GGT7: variants seen among roughly 807,000 people sequenced by gnomAD.
GGT7 encodes the protein glutathione hydrolase 7.
In GGT7, 30 loss-of-function variants were observed where a neutral mutation model predicts 69.2. That is an observed-to-expected ratio of 0.43 (90% confidence interval 0.32 to 0.59). The LOEUF (loss-of-function observed/expected upper bound fraction) is 0.59, where lower values mean the gene tolerates loss of function less well. GGT7 is among the 20% of genes least tolerant of loss of function. The probability of loss-of-function intolerance (pLI) is 0.05; values close to 1 mark genes in which losing one functional copy is unlikely to be tolerated. For missense variants in GGT7, 733 were observed against 901.1 expected, an observed-to-expected ratio of 0.81 and a Z score of 2.39; for synonymous variants, 388 against 391.8, an observed-to-expected ratio of 0.99 and a Z score of 0.12.
In GGT7 at chr20:34,872,779, G is replaced by A; in HGVS notation, c.37C>T (p.Leu13=). 1 of 1,423,076 alleles carries A rather than the reference G, an allele frequency of 7.0e-7. No individual in the cohort carries two copies. Among genetic ancestry groups the A allele is most frequent in the Non-Finnish European group, 9.2e-7 (1 of 1,082,882 alleles). 88.2% of individuals were successfully genotyped at this position (1,423,076 alleles called of 1,614,324 possible). ...AENEASQESA[L]GAYSPVDYMS... ...TAGTCCACTGGCGAGTAGGCGCCCA[G>A]GGCGCTCTCCTGGCTGGCCTCGTTC... The change falls in exon 1 of 15, where the codon CTG becomes TTG. Residue 13 remains leucine, a synonymous_variant. Coordinates refer to ENST00000336431, the MANE Select transcript of GGT7 (RefSeq NM_178026.3).
intron 13 of GGT7, 191 bp downstream of exon 13, chr20:34,851,040 G>A (rs989409753): frequency 1.4e-6 from 1 of 691,140 alleles, no homozygotes; most frequent in African/African-American, 1.8e-5. Context: ...GGAGCATCAG[G>A]GCTCCATTTT....
chr20:34,859,963 A>T lies in GGT7; in HGVS notation c.817+6T>A, dbSNP rs1284920759. The T allele has an allele frequency of 6.5e-7, 1 of 1,541,092 alleles. No homozygotes were observed. On this transcript the variant is annotated splice_donor_region_variant and intron_variant, in intron 6 of 14. Coordinates refer to ENST00000336431, the MANE Select transcript of GGT7 (RefSeq NM_178026.3). Reference sequence around the variant, plus strand: ...TGTCTCTCCCAAATCCCCAGGCCCCACTGACCTAGATCATGAGTCACGTTG... The same window carrying T: ...TGTCTCTCCCAAATCCCCAGGCCCCTCTGACCTAGATCATGAGTCACGTTG...
In GGT7 at chr20:34,845,501, A is replaced by G; in HGVS notation, c.1826-10T>C. ...TCCTCTGTGAACTCACCTGAAAACC[A>G]TCCCCGACATATACACATTCAGAAT... On this transcript the variant is annotated splice_polypyrimidine_tract_variant and intron_variant, in intron 14 of 14. Transcript: ENST00000336431. The G allele has an allele frequency of 4.3e-6, 7 of 1,612,282 alleles. No individual in the cohort carries two copies. Among genetic ancestry groups the G allele is most frequent in the Non-Finnish European group, 5.9e-6 (7 of 1,178,668 alleles).
rs1489559111 is a variant in GGT7 at position 34,863,454 on chromosome 20, C to T, written c.264G>A (p.Thr88=). 1 of 1,612,404 alleles carries T rather than the reference C, an allele frequency of 6.2e-7. No individual in the cohort carries two copies. Among genetic ancestry groups the T allele is most frequent in the East Asian group, 2.2e-5 (1 of 44,838 alleles). The part of the protein sequence containing the change: ...GSQDGSPLRE[T]RKDPFSAAAA... ...CTGCGGCGGAGAACGGGTCTTTGCG[C>T]GTCTCGCGTAGCGGCGACCCGTCTT... The change falls in exon 2 of 15, where the codon ACG becomes ACA. Residue 88 remains threonine (T), a synonymous_variant. Coordinates refer to ENST00000336431, the MANE Select transcript of GGT7 (RefSeq NM_178026.3). The surrounding 1 kb of genome is among the most constrained non-coding windows in gnomAD (Gnocchi z 4.4).
rs374716641 is a variant in GGT7, at chr20:34,851,057, G to C, written c.1725+174C>G. On this transcript the variant is annotated intron_variant, in intron 13 of 14. Coordinates refer to ENST00000336431, the MANE Select transcript of GGT7 (RefSeq NM_178026.3). ...AGCATCAGGGCTCCATTTTCACTAAGAAACTCAGCGCAGCCCATGTCCACA... is the reference window on the plus strand; with the variant it reads ...AGCATCAGGGCTCCATTTTCACTAACAAACTCAGCGCAGCCCATGTCCACA... 8.0e-6 allele frequency: 6 copies of C among 746,722 alleles called. No individual in the cohort carries two copies. In the African/African-American group the frequency reaches 8.7e-5, roughly 11 times the overall value. The allele number at this position is 746,722 out of a possible 1,614,324, so 46.3% of individuals were successfully genotyped here. A position where few individuals can be genotyped will look rare whatever the true frequency, so the allele number is the denominator to read the frequency against.
intron 1 of GGT7, among the ~76,000 whole-genome samples, chr20:34,870,317 A>G (rs2079758637): frequency 6.6e-6 from 1 of 152,252 alleles, no homozygotes; most frequent in South Asian, 2.1e-4. Context: ...CAGAGCCTGT[A>G]TTGAACTTCC....
Position 34,856,883 on chromosome 20 carries a change from G to A in GGT7, c.1025C>T (p.Ala342Val). The A allele has an allele frequency of 6.2e-7, 1 of 1,605,202 alleles. No individual in the cohort carries two copies. Among genetic ancestry groups the A allele is most frequent in the African/African-American group, 1.3e-5 (1 of 74,832 alleles). The change falls in exon 8 of 15, where the codon GCA (alanine) becomes GTA (valine). Residue 342 changes from alanine to valine, a missense_variant. Physicochemically the swap from Ala to Val is moderately conservative, Grantham distance 64. Coordinates refer to ENST00000336431, the MANE Select transcript of GGT7 (RefSeq NM_178026.3). The stretch of plus-strand genomic sequence containing the variant: ...GTCCTCTTCGGTTATGACACCCCCT[G>A]CGTGCTGAGCCTGGAGGGAAGAGAA... ...TLEMVAEAQH[A>V]GGVITEEDFS... is the part of the protein sequence containing the mutation.
intron 14 of GGT7, among the ~76,000 whole-genome samples, chr20:34,846,802 C>A (rs1436684452): frequency 2.0e-5 from 3 of 151,806 alleles, no homozygotes; most frequent in African/African-American, 7.3e-5. Flanking sequence ...TAAATTCCTC[C>A]CCTCATTTCC....
rs375986939 is a variant in GGT7, at chr20:34,872,820, G to A, written c.-5C>T. 9.0e-6 allele frequency: 12 copies of A among 1,339,792 alleles called. No individual in the cohort carries two copies. The highest frequency in any genetic ancestry group is 3.1e-5 in the African/African-American group (2 of 65,094). 83.0% of individuals were successfully genotyped at this position (1,339,792 alleles called of 1,614,324 possible). ...GGCCTCGTTCTCCGCCGCCATCCTC[G>A]CCCGCGCCCCCCAGCAGCGCAGCGC... On this transcript the variant is annotated 5_prime_UTR_variant, in exon 1 of 15. Coordinates refer to ENST00000336431, the MANE Select transcript of GGT7 (RefSeq NM_178026.3).
At chr20:34,856,684 G>T in intron 8 of GGT7, 122 bp downstream of exon 8, 1 of 672,620 alleles carries the variant, frequency 1.5e-6, no homozygotes, top group Non-Finnish European at 2.7e-6. Context: ...GACTGCCCAG[G>T]TAGCTCACTG....
At position 34,854,492 on chromosome 20, in the gene GGT7, C is replaced by T. The variant is rs139159188; in HGVS notation, c.1319+39G>A. On this transcript the variant is annotated intron_variant, in intron 10 of 14. Coordinates refer to ENST00000336431, the MANE Select transcript of GGT7 (RefSeq NM_178026.3). ...CTCCTGACCCTTTCCCCACACCCAC[C>T]GCTGCCTCTGTAGCCCCCAGGTCCT... 913 of 1,263,218 alleles carry T rather than the reference C, an allele frequency of 7.2e-4. 7 individuals are homozygous for T. The African/African-American group carries it at 0.011, about 15-fold the overall frequency. 78.3% of individuals were successfully genotyped at this position (1,263,218 alleles called of 1,614,324 possible).
chr20:34,863,669 G>A lies in GGT7; in HGVS notation c.170-121C>T. 1 of 756,052 alleles carries A rather than the reference G, an allele frequency of 1.3e-6. No homozygotes were observed. The highest frequency in any genetic ancestry group is 2.4e-6 in the Non-Finnish European group (1 of 421,050). The allele number at this position is 756,052 out of a possible 1,614,324, so 46.8% of individuals were successfully genotyped here. A position where few individuals can be genotyped will look rare whatever the true frequency, so the allele number is the denominator to read the frequency against. On this transcript the variant is annotated intron_variant, in intron 1 of 14. Transcript: ENST00000336431. The surrounding 1 kb of genome is among the most constrained non-coding windows in gnomAD (Gnocchi z 4.4). ...TGCCACACAATCCCCGCACTGGCTA[G>A]CACTACTCACCTTTCCTCATTTTCG...
Position 34,863,393 on chromosome 20 carries a change from C to T in GGT7, c.325G>A (p.Val109Ile). 6.2e-7 allele frequency: 1 copy of T among 1,614,028 alleles called. No homozygotes were observed. Among genetic ancestry groups the T allele is most frequent in the Non-Finnish European group, 8.5e-7 (1 of 1,180,024 alleles). The stretch of plus-strand genomic sequence containing the variant: ...AAGGTGAGACAGGCCGTGACGATGA[C>T]CGTGAGCCCATCCTGGCGGCAGGAG... ...ECSCRQDGLT[V>I]IVTACLTFAT... Residue 109 changes from valine (V) to isoleucine (I), a missense_variant, in exon 2 of 15, where the codon GTC (valine) becomes ATC (isoleucine). Val to Ile is a conservative substitution (Grantham distance 29). Transcript: ENST00000336431. This position sits in a 1 kb window ranked among gnomAD's most constrained non-coding sequence, Gnocchi z 4.4.
At position 34,852,144 on chromosome 20, in the gene GGT7, G is replaced by A; in HGVS notation, c.1587+11C>T. The A allele has an allele frequency of 6.4e-7, 1 of 1,554,722 alleles. No homozygotes were observed. The highest frequency in any genetic ancestry group is 1.4e-5 in the African/African-American group (1 of 73,856). On this transcript the variant is annotated intron_variant, in intron 12 of 14. Coordinates refer to ENST00000336431, the MANE Select transcript of GGT7 (RefSeq NM_178026.3). ...TCAGGGTCCCCAGGAAAGCAGGGAA[G>A]CAAATCCTACCAGGCTGGGTGCAGA...
In GGT7 at chr20:34,852,201, T is replaced by G. The variant is rs1209538772; in HGVS notation, c.1541A>C (p.Asp514Ala). ...SGILLNSQML[D>A]FSWPNRTANH... The stretch of plus-strand genomic sequence containing the variant: ...AGCTGTCCGGTTGGGCCAGGAGAAG[T>G]CCAGCATCTGGCTGTTGAGCAGGAT... The change falls in exon 12 of 15, where the codon GAC becomes GCC. Residue 514 changes from aspartate to alanine, a missense_variant. Asp to Ala is a moderately radical substitution (Grantham distance 126). Coordinates refer to ENST00000336431, the MANE Select transcript of GGT7 (RefSeq NM_178026.3). 2 of 1,613,944 alleles carry G rather than the reference T, an allele frequency of 1.2e-6. No homozygotes were observed. Among genetic ancestry groups the G allele is most frequent in the East Asian group, 2.2e-5 (1 of 44,868 alleles).
intron 7 of GGT7, 100 bp from the exon 8 acceptor site, chr20:34,856,993 TTC>T: frequency 2.6e-6 from 2 of 755,204 alleles, no homozygotes; most frequent in Non-Finnish European, 4.7e-6. Context: ...TGTTTATAAC[TTC>T]TGTGCCTTCT....
chr20:34,862,995 C>T (rs759352027), intron 2 of GGT7, 30 bp from the exon 3 acceptor site: 3 of 1,598,078 alleles, frequency 1.9e-6, no homozygotes, highest in Admixed American at 3.5e-5. Flanking sequence ...TTGGTGGGGG[C>T]AGGAGGAGCT....
In GGT7 at chr20:34,859,459, A is replaced by G. The variant is rs201552233; in HGVS notation, c.998T>C (p.Leu333Pro). The change falls in exon 7 of 15, where the codon CTG (leucine) becomes CCG (proline). Residue 333 changes from leucine (L) to proline (P), a missense_variant. Coordinates refer to ENST00000336431, the MANE Select transcript of GGT7 (RefSeq NM_178026.3). ...AGCACTTACCTCGGCCACCATCTCCAGTGTGAGGTTGCCACCTGCGTAGAA... is the reference window on the plus strand; with the variant it reads ...AGCACTTACCTCGGCCACCATCTCCGGTGTGAGGTTGCCACCTGCGTAGAA... ...AAFYAGGNLT[L>P]EMVAEAQHAG... is the part of the protein sequence containing the mutation. The G allele has an allele frequency of 1.8e-4, 288 of 1,590,148 alleles. 1 individual carries two copies. The East Asian group carries it at 6.3e-3, about 35-fold the overall frequency.
intron 8 of GGT7, among the ~76,000 whole-genome samples, chr20:34,855,814 T>TGTGTGTGTGTGTGAGA (rs56219337): frequency 1.4e-5 from 2 of 144,518 alleles, no homozygotes; most frequent in African/African-American, 2.7e-5. Flanking sequence ...TGTGTGTGTG[T>TGTGTGTGTGTGTGAGA]GATAATGGTC....
Sources: allele counts gnomAD v4.1 joint callset (sites outside exome capture counted in the v4.1 genomes callset), GRCh38; gene constraint gnomAD v4.1.1; non-coding constraint Gnocchi (gnomAD v3.1); transcripts MANE v1.5; gene names NCBI Gene and HGNC (gene_info 2026-07-23, HGNC 2026-07-21).